NOA1: variants seen among roughly 807,000 people sequenced by gnomAD.
NOA1 encodes the protein nitric oxide-associated protein 1.
NOA1 carries 35 observed loss-of-function variants against 58.4 expected under a neutral mutation model. The observed-to-expected ratio is 0.60, with a 90% confidence interval of 0.46 to 0.79. NOA1 has a LOEUF of 0.79. NOA1 is among the 30% of genes least tolerant of loss of function. NOA1 has a pLI of 0.00. For missense variants in NOA1, 895 were observed against 894.6 expected, an observed-to-expected ratio of 1.00 and a Z score of -0.01; for synonymous variants, 397 against 373.4, an observed-to-expected ratio of 1.06 and a Z score of -0.73.
Position 56,976,896 on chromosome 4 carries a change from C to CA in NOA1, c.689dup (p.Leu231AlafsTer126). The CA allele has an allele frequency of 6.2e-7, 1 of 1,612,774 alleles. No individual in the cohort carries two copies. The highest frequency in any genetic ancestry group is 8.5e-7 in the Non-Finnish European group (1 of 1,179,824). ...CCACCAGCGCGGGCAAGTCGGGCAG[C>CA]AGGGCGTCGGGCAGGTCCAGCAGGT... On this transcript the variant is annotated frameshift_variant, in exon 1 of 7. Transcript: ENST00000264230. LOFTEE classifies it high-confidence loss of function.
rs1721941970 is a variant in NOA1 at position 56,976,896 on chromosome 4, C to G, written c.690G>C (p.Leu230=). ...MVDLLDLPDA[L]LPDLPALVGP... ...CCACCAGCGCGGGCAAGTCGGGCAG[C>G]AGGGCGTCGGGCAGGTCCAGCAGGT... Residue 230 remains leucine, a synonymous_variant, in exon 1 of 7, where the codon CTG becomes CTC. Coordinates refer to ENST00000264230, the MANE Select transcript of NOA1 (RefSeq NM_032313.4). The G allele has an allele frequency of 6.2e-7, 1 of 1,612,774 alleles. No homozygotes were observed.
intron 4 of NOA1, 73 bp from the exon 5 acceptor site, chr4:56,966,809 A>G: frequency 1.3e-6 from 1 of 787,522 alleles, no homozygotes; most frequent in Non-Finnish European, 2.0e-6. Context: ...ACAATCAACT[A>G]AAAAAAAAAC....
chr4:56,976,823 G>C lies in NOA1; in HGVS notation c.763C>G (p.Gln255Glu), dbSNP rs1404169186. The stretch of plus-strand genomic sequence containing the variant: ...CTCTGCCGGTAGCCAGGAGCATCCT[G>C]GGGCAGGAGGTCCACTTTGTTTCCC... The part of the protein sequence containing the change: ...VLGNKVDLLP[Q>E]DAPGYRQRLR... The change falls in exon 1 of 7, where the codon CAG becomes GAG. Residue 255 changes from glutamine to glutamate, a missense_variant. Physicochemically the swap from Gln to Glu is conservative, Grantham distance 29 (BLOSUM62 2). Transcript: ENST00000264230. 1 of 1,612,394 alleles carries C rather than the reference G, an allele frequency of 6.2e-7. No homozygotes were observed. Among genetic ancestry groups the C allele is most frequent in the Admixed American group, 1.7e-5 (1 of 60,012 alleles).
intron 1 of NOA1, 63 bp downstream of exon 1, chr4:56,976,379 C>A: frequency 6.8e-7 from 1 of 1,464,186 alleles, no homozygotes; most frequent in South Asian, 1.3e-5. Context: ...TACTCGGTGC[C>A]TCGGCCAGGA....
intron 3 of NOA1, among the ~76,000 whole-genome samples, chr4:56,969,247 G>T (rs956500084): frequency 2.6e-5 from 4 of 152,154 alleles, no homozygotes; most frequent in Non-Finnish European, 4.4e-5. Flanking sequence ...AATAAAGAAG[G>T]TACAAATTGG....
chr4:56,964,429 G>C lies in NOA1; in HGVS notation c.1862C>G (p.Ala621Gly). The C allele has an allele frequency of 6.2e-7, 1 of 1,614,074 alleles. No homozygotes were observed. The highest frequency in any genetic ancestry group is 8.5e-7 in the Non-Finnish European group (1 of 1,179,996). The change falls in exon 6 of 7, where the codon GCC becomes GGC. Residue 621 changes from alanine to glycine, a missense_variant. This residue lies in a region of NOA1 where 212 missense variants were observed against 221.3 expected (regional missense o/e 0.96). Coordinates refer to ENST00000264230, the MANE Select transcript of NOA1 (RefSeq NM_032313.4). ...ACCTGCAGAGGAAAACTTGATGTCG[G>C]CCACTGCTTCAGATGCCCCCAGTCC... ...KEGLGASEAV[A>G]DIKFSSAGWV...
Position 56,963,525 on chromosome 4 carries a change from A to G in NOA1, c.2022T>C (p.Ser674=), listed in dbSNP as rs781337181. 6.2e-6 allele frequency: 10 copies of G among 1,613,940 alleles called. No homozygotes were observed. The East Asian group carries it at 6.7e-5, about 11-fold the overall frequency. ...GAGGCTTCTTGGTTTTATAGGCCACACTTTTCTTGATGCGCTGTCCTTTGA... is the reference window on the plus strand; with the variant it reads ...GAGGCTTCTTGGTTTTATAGGCCACGCTTTTCTTGATGCGCTGTCCTTTGA... ...VNIKGQRIKK[S]VAYKTKKPPS... Residue 674 remains serine, a synonymous_variant, in exon 7 of 7, where the codon AGT becomes AGC. Transcript: ENST00000264230.
chr4:56,971,315 C>CAAAAAA (rs35120609), intron 3 of NOA1, among the ~76,000 whole-genome samples: 1 of 53,270 alleles, frequency 1.9e-5, no homozygotes, highest in South Asian at 9.2e-4. Context: ...GACTCCATCT[C>CAAAAAA]AAAAAAAAAA....
chr4:56,975,364 C>T (rs1017924833), intron 1 of NOA1, among the ~76,000 whole-genome samples: 2 of 151,746 alleles, frequency 1.3e-5, no homozygotes, highest in East Asian at 4.0e-4. Context: ...GGAGCAGTGG[C>T]TCACACCTGT....
At position 56,963,445 on chromosome 4, in the gene NOA1, C is replaced by G. The variant is rs777938102; in HGVS notation, c.*5G>C. Reference sequence around the variant, plus strand: ...AGTTAATATCTGGAGTGAACAAGGTCGGTCTCATACATTTATCTTTCCTTT... The same window carrying G: ...AGTTAATATCTGGAGTGAACAAGGTGGGTCTCATACATTTATCTTTCCTTT... On this transcript the variant is annotated 3_prime_UTR_variant, in exon 7 of 7. Transcript: ENST00000264230. 23 of 1,609,372 alleles carry G rather than the reference C, an allele frequency of 1.4e-5. No homozygotes were observed. In the East Asian group the frequency reaches 4.9e-4, roughly 34 times the overall value.
rs1415499306 is a variant in NOA1 at position 56,973,958 on chromosome 4, C to G, written c.1209G>C (p.Arg403Ser). 1.2e-6 allele frequency: 2 copies of G among 1,613,820 alleles called. No individual in the cohort carries two copies. Among genetic ancestry groups the G allele is most frequent in the Admixed American group, 3.3e-5 (2 of 59,994 alleles). The change falls in exon 2 of 7, where the codon AGG becomes AGC. Residue 403 changes from arginine (R) to serine (S), a missense_variant. Transcript: ENST00000264230. Reference sequence around the variant, plus strand: ...TTGAATCTTTTTTAAGTCTTTGATGCCTTTTAAACATTCTGTAAGGAGTTG... The same window carrying G: ...TTGAATCTTTTTTAAGTCTTTGATGGCTTTTAAACATTCTGTAAGGAGTTG... ...CNPTPYRMFK[R>S]HQRLKKDSTQ...
Position 56,966,673 on chromosome 4 carries a change from A to C in NOA1, c.1711T>G (p.Leu571Val). 6.2e-7 allele frequency: 1 copy of C among 1,614,056 alleles called. No individual in the cohort carries two copies. The highest frequency in any genetic ancestry group is 1.1e-5 in the South Asian group (1 of 91,084). ...TGATACAGAGCGTCTGCCCTGTCCA[A>C]GGAGGTGATATGCACAGGGAGGATG... ...SNILPVHITS[L>V]DRADALYQKH... The change falls in exon 5 of 7, where the codon TTG (leucine) becomes GTG (valine). Residue 571 changes from leucine (L) to valine (V), a missense_variant. Transcript: ENST00000264230.
Position 56,966,629 on chromosome 4 carries a change from C to T in NOA1, c.1755G>A (p.Thr585=), listed in dbSNP as rs142632400. 1.1e-5 allele frequency: 17 copies of T among 1,602,650 alleles called. No individual in the cohort carries two copies. Among genetic ancestry groups the T allele is most frequent in the Admixed American group, 6.7e-5 (4 of 59,912 alleles). The change falls in exon 5 of 7, where the codon ACG becomes ACA. Residue 585 remains threonine, a synonymous_variant. Transcript: ENST00000264230. ...DALYQKHAGH[T]LLQIPMGGKE... ...AGGCATGTTGCCTTACCTGGAGTAACGTATGACCTGCATGCTTCTGATACA... is the reference window on the plus strand; with the variant it reads ...AGGCATGTTGCCTTACCTGGAGTAATGTATGACCTGCATGCTTCTGATACA...
At chr4:56,976,315 G>T (rs985197845) in intron 1 of NOA1, 127 bp downstream of exon 1, 17 of 759,054 alleles carry the variant, frequency 2.2e-5, no homozygotes, top group Non-Finnish European at 3.6e-5. Context: ...AGTGGGGAGA[G>T]AATTTGTAAA....
chr4:56,966,512 C>G (rs1176108605), intron 5 of NOA1, 108 bp downstream of exon 5: 12 of 674,586 alleles, frequency 1.8e-5, no homozygotes, highest in Non-Finnish European at 3.0e-5. Context: ...AAAGCTAGCT[C>G]AAGATATTGT....
At chr4:56,972,108 G>A (rs969493013) in intron 3 of NOA1, among the ~76,000 whole-genome samples, 1 of 152,084 alleles carries the variant, frequency 6.6e-6, no homozygotes, top group African/African-American at 2.4e-5. Flanking sequence ...AGATGGTCTC[G>A]ATCTCCTGAC....
At chr4:56,973,076 G>T (rs949682100) in intron 3 of NOA1, 72 bp downstream of exon 3, 11 of 1,335,122 alleles carry the variant, frequency 8.2e-6, no homozygotes, top group Non-Finnish European at 1.1e-5. Context: ...GCTGTATCTG[G>T]GCAGCAGGCA....
In NOA1 at chr4:56,963,873, G is replaced by A. The variant is rs1335082279; in HGVS notation, c.1886-212C>T. 2.0e-5 allele frequency among the ~76,000 whole-genome samples: 3 copies of A among 152,022 alleles called. No homozygotes were observed. The South Asian group carries it at 6.3e-4, about 32-fold the overall frequency. On this transcript the variant is annotated intron_variant, in intron 6 of 6. Coordinates refer to ENST00000264230, the MANE Select transcript of NOA1 (RefSeq NM_032313.4). ...AGCGATCGTACTGCCTCGGCGTCCC[G>A]AGAAGCTGGGGGCACAGGTGGACAC... is the stretch of plus-strand genomic sequence containing the variant.
intron 6 of NOA1, 119 bp downstream of exon 6, chr4:56,964,287 A>C: frequency 5.0e-6 from 6 of 1,206,018 alleles, no homozygotes; most frequent in South Asian, 1.4e-5. Flanking sequence ...GGTTGGTCTC[A>C]AACTCCCGAC....
Sources: gnomAD v4.1 joint callset for allele counts (sites outside exome capture counted in the v4.1 genomes callset) on GRCh38, gnomAD v4.1.1 for gene constraint, gnomAD v4.1.1 regional missense constraint, MANE v1.5 for transcripts, NCBI Gene and HGNC (gene_info 2026-07-23, HGNC 2026-07-21) for gene names.